Variants in IMMP1L observed in about 807,000 individuals in gnomAD.
IMMP1L encodes the protein inner mitochondrial membrane peptidase subunit 1.
In IMMP1L, 24 loss-of-function variants were observed where a neutral mutation model predicts 21.8. The ratio of observed to expected loss-of-function variants is 1.10; its 90% CI spans 0.80 to 1.55. IMMP1L has a LOEUF of 1.55. Among genes scored for constraint, IMMP1L ranks in the 40% most tolerant of loss-of-function variants. The pLI is 0.00. For synonymous variants in IMMP1L, 46 were observed against 62.8 expected (o/e 0.73, Z 1.26); for missense variants, 195 against 200.7 (o/e 0.97, Z 0.17).
intron 1 of IMMP1L, among the ~76,000 whole-genome samples, chr11:31,506,510 A>G (rs1393358766): frequency 6.6e-6 from 1 of 151,966 alleles, no homozygotes; most frequent in East Asian, 1.9e-4. Flanking sequence ...AATTACACGC[A>G]TGAGTCACTG....
chr11:31,457,214 C>G (rs1286486439), intron 3 of IMMP1L, among the ~76,000 whole-genome samples: 1 of 151,852 alleles, frequency 6.6e-6, no homozygotes, highest in Non-Finnish European at 1.5e-5. Flanking sequence ...AATATACACT[C>G]TGAAAAATAA....
At chr11:31,488,006 T>C (rs921829289) in intron 1 of IMMP1L, among the ~76,000 whole-genome samples, 4 of 152,092 alleles carry the variant, frequency 2.6e-5, no homozygotes, top group African/African-American at 9.7e-5. Flanking sequence ...TATTTGCCCA[T>C]CTATTAAGTG....
intron 1 of IMMP1L, among the ~76,000 whole-genome samples, chr11:31,478,298 T>A (rs528026269): frequency 6.6e-6 from 1 of 152,354 alleles, no homozygotes; most frequent in South Asian, 2.1e-4. Flanking sequence ...TCCAGATTTC[T>A]AAATCCCCTA....
At chr11:31,434,067 T>C (rs939858897) in intron 4 of IMMP1L, among the ~76,000 whole-genome samples, 2 of 152,200 alleles carry the variant, frequency 1.3e-5, no homozygotes, top group Admixed American at 6.5e-5. Context: ...AATCTCATCA[T>C]TTTATTGGAG....
intron 4 of IMMP1L, among the ~76,000 whole-genome samples, chr11:31,434,251 A>G (rs1020000554): frequency 6.6e-6 from 1 of 152,128 alleles, no homozygotes; most frequent in African/African-American, 2.4e-5. Flanking sequence ...ATCTCCTATA[A>G]TGTTCTATGT....
intron 4 of IMMP1L, among the ~76,000 whole-genome samples, chr11:31,439,373 T>C (rs1953240607): frequency 6.6e-6 from 1 of 152,178 alleles, no homozygotes; most frequent in African/African-American, 2.4e-5. Flanking sequence ...TCTGATCTAC[T>C]AAAGACCACC....
At chr11:31,435,678 T>C (rs181036479) in intron 4 of IMMP1L, among the ~76,000 whole-genome samples, 12 of 152,274 alleles carry the variant, frequency 7.9e-5, no homozygotes, top group African/African-American at 2.9e-4. Context: ...GCATGTCTTT[T>C]GCCATTTGGC....
chr11:31,500,316 T>C (rs1168545302), intron 1 of IMMP1L, among the ~76,000 whole-genome samples: 1 of 152,008 alleles, frequency 6.6e-6, no homozygotes, highest in Non-Finnish European at 1.5e-5. Flanking sequence ...AGAAGGTCCA[T>C]AATGAAAATA....
In IMMP1L at chr11:31,473,345, G is replaced by A. The variant is rs375807588; in HGVS notation, c.-29-10040C>T. ...ATTACAGGCATGAGCCACTGCGCCC[G>A]GCCCCTTTGATATCTCATTTTACAG... is the stretch of plus-strand genomic sequence containing the variant. On this transcript the variant is annotated intron_variant, in intron 1 of 5. Transcript: ENST00000532287. Among the ~76,000 whole-genome samples, 453 of 152,176 alleles carry A rather than the reference G, an allele frequency of 3.0e-3. 2 individuals carry two copies. The highest frequency in any genetic ancestry group is 0.01 in the African/African-American group (416 of 41,550).
intron 1 of IMMP1L, among the ~76,000 whole-genome samples, chr11:31,502,453 T>C (rs891607662): frequency 3.3e-5 from 5 of 152,220 alleles, no homozygotes; most frequent in African/African-American, 1.2e-4. Context: ...ATAATAAATT[T>C]CACTCTAACA....
rs1045479205 is a variant in IMMP1L, at chr11:31,509,566, G to A, written c.-77C>T. 2.2e-5 allele frequency: 13 copies of A among 587,914 alleles called. No individual in the cohort carries two copies. Among genetic ancestry groups the A allele is most frequent in the Non-Finnish European group, 3.9e-5 (13 of 330,122 alleles). The allele number at this position is 587,914 out of a possible 1,614,324, so 36.4% of individuals were successfully genotyped here. ...AGACCCTCAACCAGGACACAGGTGG[G>A]CCTTTCTCACCTGGGCCCCGCCGAA... On this transcript the variant is annotated 5_prime_UTR_variant, in exon 1 of 6. Coordinates refer to ENST00000532287, the MANE Select transcript of IMMP1L (RefSeq NM_001304274.2).
At chr11:31,470,168 C>A (rs915172731) in intron 1 of IMMP1L, among the ~76,000 whole-genome samples, 10 of 152,300 alleles carry the variant, frequency 6.6e-5, no homozygotes, top group African/African-American at 2.4e-4. Flanking sequence ...TAATCCAACA[C>A]TTTGGGAGGC....
Position 31,462,908 on chromosome 11 carries a change from T to C in IMMP1L, c.105+264A>G, listed in dbSNP as rs182224812. Reference sequence around the variant, plus strand: ...TTCAATAAATGGTAATGACTATTATTGTTATACTATTCAAAAGGACCCTTT... The same window carrying C: ...TTCAATAAATGGTAATGACTATTATCGTTATACTATTCAAAAGGACCCTTT... On this transcript the variant is annotated intron_variant, in intron 2 of 5. Transcript: ENST00000532287. Among the ~76,000 whole-genome samples, 174 of 152,334 alleles carry C rather than the reference T, an allele frequency of 1.1e-3. 1 individual carries two copies. Among genetic ancestry groups the C allele is most frequent in the African/African-American group, 3.6e-3 (151 of 41,578 alleles).
At chr11:31,482,720 G>A (rs940862003) in intron 1 of IMMP1L, among the ~76,000 whole-genome samples, 1 of 151,946 alleles carries the variant, frequency 6.6e-6, no homozygotes, top group African/African-American at 2.4e-5. Flanking sequence ...GAAACATGTG[G>A]AGCAACTAGA....
chr11:31,450,169 A>G (rs1194643662), intron 4 of IMMP1L, among the ~76,000 whole-genome samples: 1 of 152,208 alleles, frequency 6.6e-6, no homozygotes, highest in Non-Finnish European at 1.5e-5. Flanking sequence ...AAAGGACCAA[A>G]AGAACAAATT....
At position 31,461,962 on chromosome 11, in the gene IMMP1L, A is replaced by G. The variant is rs137932194; in HGVS notation, c.105+1210T>C. On this transcript the variant is annotated intron_variant, in intron 2 of 5. Coordinates refer to ENST00000532287, the MANE Select transcript of IMMP1L (RefSeq NM_001304274.2). ...TACTCAGGCAGAAATAGGAGGAAATACAATTACAGTTTGTTTGCTACCTTT... is the reference window on the plus strand; with the variant it reads ...TACTCAGGCAGAAATAGGAGGAAATGCAATTACAGTTTGTTTGCTACCTTT... 1.9e-3 allele frequency among the ~76,000 whole-genome samples: 297 copies of G among 152,316 alleles called. 3 individuals are homozygous for G. Among genetic ancestry groups the G allele is most frequent in the African/African-American group, 6.9e-3 (285 of 41,564 alleles).
At chr11:31,452,586 G>A (rs1470848485) in intron 4 of IMMP1L, 1 of 985,340 alleles carries the variant, frequency 1.0e-6, no homozygotes, top group Non-Finnish European at 1.2e-6. Flanking sequence ...TATACAGAAA[G>A]GCAACATACT....
intron 1 of IMMP1L, among the ~76,000 whole-genome samples, chr11:31,503,559 T>C (rs1403590572): frequency 2.0e-5 from 3 of 152,172 alleles, no homozygotes; most frequent in African/African-American, 4.8e-5. Context: ...CTGATATTTA[T>C]TTATCAGCAA....
At chr11:31,503,455 A>G (rs1955686906) in intron 1 of IMMP1L, among the ~76,000 whole-genome samples, 1 of 152,196 alleles carries the variant, frequency 6.6e-6, no homozygotes, top group Non-Finnish European at 1.5e-5. Flanking sequence ...AAAAACCAAT[A>G]AAGCCAAATT....
Sources: gnomAD v4.1 joint callset for allele counts (sites outside exome capture counted in the v4.1 genomes callset) on GRCh38, gnomAD v4.1.1 for gene constraint, MANE v1.5 for transcripts, NCBI Gene and HGNC (gene_info 2026-07-23, HGNC 2026-07-21) for gene names.